SYT1: variants seen among roughly 807,000 people sequenced by gnomAD.
The protein encoded by SYT1 is synaptotagmin-1.
Under a neutral mutation model 44.8 loss-of-function variants are expected in SYT1, and 8 were observed. The ratio of observed to expected loss-of-function variants is 0.18; its 90% CI spans 0.10 to 0.32. The LOEUF is 0.32. SYT1 is among the 10% of genes least tolerant of loss of function. The probability of loss-of-function intolerance (pLI) is 1.00; values close to 1 mark genes in which losing one functional copy is unlikely to be tolerated. For missense variants in SYT1, 286 were observed against 509.3 expected, an observed-to-expected ratio of 0.56 and a Z score of 4.22; for synonymous variants, 154 against 188.8, an observed-to-expected ratio of 0.82 and a Z score of 1.51.
chr12:79,126,353 CG>C (rs1868436950), intron 3 of SYT1, among the ~76,000 whole-genome samples: 1 of 152,176 alleles, frequency 6.6e-6, no homozygotes, highest in African/African-American at 2.4e-5. Context: ...CTCTGCCTCC[CG>C]GGTTCAAACA....
At chr12:78,908,757 G>A (rs1300989940) in intron 1 of SYT1, among the ~76,000 whole-genome samples, 1 of 152,070 alleles carries the variant, frequency 6.6e-6, no homozygotes, top group East Asian at 1.9e-4. Flanking sequence ...CATGGAAAGA[G>A]TCGGCAGAGT....
At chr12:79,371,921 C>T (rs1883807691) in intron 9 of SYT1, among the ~76,000 whole-genome samples, 1 of 152,174 alleles carries the variant, frequency 6.6e-6, no homozygotes, top group African/African-American at 2.4e-5. Flanking sequence ...ATCCTAAACC[C>T]ATCTTTGTTC....
intron 8 of SYT1, among the ~76,000 whole-genome samples, chr12:79,352,318 T>C (rs1229278029): frequency 6.6e-6 from 1 of 152,046 alleles, no homozygotes; most frequent in African/African-American, 2.4e-5. Context: ...AAGACACATA[T>C]AGTCATAATA....
intron 2 of SYT1, among the ~76,000 whole-genome samples, chr12:78,980,462 A>T (rs1361070682): frequency 6.6e-6 from 1 of 152,210 alleles, no homozygotes; most frequent in Non-Finnish European, 1.5e-5. Flanking sequence ...CGTTCATAAG[A>T]ATCATTTTAT....
At chr12:79,092,925 G>A (rs780244828) in intron 3 of SYT1, among the ~76,000 whole-genome samples, 7 of 151,604 alleles carry the variant, frequency 4.6e-5, no homozygotes, top group South Asian at 2.1e-4. Context: ...GGCACACAAC[G>A]CTTTAACATA....
At chr12:79,384,618 A>T (rs990718792) in intron 9 of SYT1, among the ~76,000 whole-genome samples, 6 of 152,204 alleles carry the variant, frequency 3.9e-5, no homozygotes, top group Non-Finnish European at 7.3e-5. Context: ...CACTGAGATG[A>T]ATCACTACTT....
intron 1 of SYT1, among the ~76,000 whole-genome samples, chr12:78,938,860 C>T (rs1322063038): frequency 2.0e-5 from 3 of 152,140 alleles, no homozygotes; most frequent in Admixed American, 6.6e-5. Flanking sequence ...AGGACAAAAC[C>T]GATTAGCAGA....
intron 1 of SYT1, among the ~76,000 whole-genome samples, chr12:78,961,723 C>T (rs1467708778): frequency 3.3e-5 from 5 of 152,074 alleles, no homozygotes; most frequent in African/African-American, 1.2e-4. Context: ...GCTCTTAGTA[C>T]AGATAAAATG....
At position 79,101,734 on chromosome 12, in the gene SYT1, C is replaced by T. The variant is rs1878457331; in HGVS notation, c.-18+54372C>T. Among the ~76,000 whole-genome samples the T allele has an allele frequency of 2.0e-5, 3 of 151,982 alleles. No homozygotes were observed. In the South Asian group the frequency reaches 6.2e-4, roughly 31 times the overall value. On this transcript the variant is annotated intron_variant, in intron 3 of 10. Transcript: ENST00000261205. Reference sequence around the variant, plus strand: ...AGAGCCTGGGCAACATGGCAAAACCCCATCTCTACAAAAAGTAAAAAAATT... The same window carrying T: ...AGAGCCTGGGCAACATGGCAAAACCTCATCTCTACAAAAAGTAAAAAAATT...
intron 9 of SYT1, among the ~76,000 whole-genome samples, chr12:79,389,986 G>A (rs1234260547): frequency 6.6e-6 from 1 of 151,012 alleles, no homozygotes; most frequent in African/African-American, 2.4e-5. Flanking sequence ...AGGCTGGAGT[G>A]CAGCGGCGCG....
chr12:79,277,674 C>T (rs1157635034), intron 4 of SYT1, among the ~76,000 whole-genome samples: 3 of 152,068 alleles, frequency 2.0e-5, no homozygotes, highest in African/African-American at 7.2e-5. Context: ...TCAATATTGA[C>T]TTTGAATGTA....
At position 78,898,501 on chromosome 12, in the gene SYT1, T is replaced by C. The variant is rs1275512595; in HGVS notation, c.-217+33392T>C. ...CCTTAGCCCTCTGATCTTCCCAGAGTCACAGAAAGTAGTAGTTGAATGGCT... is the reference window on the plus strand; with the variant it reads ...CCTTAGCCCTCTGATCTTCCCAGAGCCACAGAAAGTAGTAGTTGAATGGCT... On this transcript the variant is annotated intron_variant, in intron 1 of 10. Transcript: ENST00000261205. Among the ~76,000 whole-genome samples, 3 of 152,010 alleles carry C rather than the reference T, an allele frequency of 2.0e-5. 1 individual carries two copies. Among genetic ancestry groups the C allele is most frequent in the Non-Finnish European group, 4.4e-5 (3 of 68,002 alleles).
intron 8 of SYT1, among the ~76,000 whole-genome samples, chr12:79,339,023 A>G (rs917408120): frequency 3.3e-5 from 5 of 152,192 alleles, no homozygotes; most frequent in Admixed American, 6.5e-5. Context: ...GCTGCGTAGT[A>G]TTCCATGGTG....
chr12:79,361,242 C>G (rs1883304019), intron 9 of SYT1, among the ~76,000 whole-genome samples: 2 of 152,102 alleles, frequency 1.3e-5, no homozygotes, highest in African/African-American at 2.4e-5. Flanking sequence ...CCAGTACAAC[C>G]CTATGAGGTA....
At chr12:79,132,674 CAAAA>C (rs71091641) in intron 3 of SYT1, among the ~76,000 whole-genome samples, 2,136 of 43,642 alleles carry the variant, frequency 0.049, 25 homozygotes, top group East Asian at 0.24. Context: ...GGAGTTTTCT[CAAAA>C]AAAAAAAAAA....
Position 78,982,173 on chromosome 12 carries a change from C to T in SYT1, c.-84+4242C>T, listed in dbSNP as rs1869311179. On this transcript the variant is annotated intron_variant, in intron 2 of 10. Transcript: ENST00000261205. ...AAAACTACTACATTCAAATTGAAGA[C>T]CTGCAGTATATAGCTCTTTTTGAGC... Among the ~76,000 whole-genome samples the T allele has an allele frequency of 3.9e-5, 6 of 152,202 alleles. 1 individual carries two copies. The South Asian group carries it at 8.3e-4, about 21-fold the overall frequency.
intron 9 of SYT1, among the ~76,000 whole-genome samples, chr12:79,430,858 A>T (rs1565954713): frequency 6.6e-6 from 1 of 152,212 alleles, no homozygotes; most frequent in Non-Finnish European, 1.5e-5. Flanking sequence ...TCATTCAGGT[A>T]TCTAGCAAAT....
chr12:79,415,545 A>G (rs912728016), intron 9 of SYT1, among the ~76,000 whole-genome samples: 2 of 152,192 alleles, frequency 1.3e-5, no homozygotes, highest in Admixed American at 6.6e-5. Flanking sequence ...TTTTTGTATG[A>G]TAGCACATAA....
At chr12:79,193,545 A>G (rs1460919780) in intron 3 of SYT1, among the ~76,000 whole-genome samples, 1 of 152,120 alleles carries the variant, frequency 6.6e-6, no homozygotes. Context: ...ACTTATTTCC[A>G]TACTTTCATT....
Sources: allele counts gnomAD v4.1 joint callset (sites outside exome capture counted in the v4.1 genomes callset), GRCh38; gene constraint gnomAD v4.1.1; transcripts MANE v1.5; gene names NCBI Gene and HGNC (gene_info 2026-07-23, HGNC 2026-07-21).